Variants in MPHOSPH9 observed in about 807,000 individuals in gnomAD.
The protein encoded by MPHOSPH9 is M-phase phosphoprotein 9.
In MPHOSPH9, 88 loss-of-function variants were observed where a neutral mutation model predicts 145.5. That is an observed-to-expected ratio of 0.60 (90% CI 0.51 to 0.72). MPHOSPH9 has a LOEUF of 0.72. Among genes scored for constraint, MPHOSPH9 ranks in the 30% least tolerant of loss-of-function variants. MPHOSPH9 has a pLI of 0.00. For synonymous variants in MPHOSPH9, 435 were observed against 486.2 expected, an observed-to-expected ratio of 0.89 and a Z score of 1.39; for missense variants, 1,238 against 1,386.6, an observed-to-expected ratio of 0.89 and a Z score of 1.70.
chr12:123,216,928 G>A (rs1481380591), intron 6 of MPHOSPH9, among the ~76,000 whole-genome samples: 1 of 151,948 alleles, frequency 6.6e-6, no homozygotes, highest in Non-Finnish European at 1.5e-5. Context: ...GACAGAGATT[G>A]CAGTGAGCTG....
At position 123,233,113 on chromosome 12, in the gene MPHOSPH9, A is replaced by T. The variant is rs1304609444; in HGVS notation, c.-197T>A. 6.7e-6 allele frequency: 1 copy of T among 150,272 alleles called. No homozygotes were observed. The allele number at this position is 150,272 out of a possible 1,614,324, so 9.3% of individuals were successfully genotyped here. On this transcript the variant is annotated 5_prime_UTR_variant, in exon 1 of 24. It adds an upstream start codon to the 5' untranslated region. Coordinates refer to ENST00000606320, the MANE Select transcript of MPHOSPH9 (RefSeq NM_022782.4). ...CCGCTGCCGATGTCAGGGTCATGCA[A>T]GCGGCCTCTCGCGACCGTTACCCGA...
At chr12:123,186,713 C>T (rs756768467) in intron 13 of MPHOSPH9, among the ~76,000 whole-genome samples, 1 of 152,188 alleles carries the variant, frequency 6.6e-6, no homozygotes, top group Admixed American at 6.5e-5. Context: ...GTAATCCCAG[C>T]CTTTCATGAG....
intron 3 of MPHOSPH9, among the ~76,000 whole-genome samples, chr12:123,225,175 G>A (rs1260130545): frequency 6.6e-6 from 1 of 152,076 alleles, no homozygotes; most frequent in Non-Finnish European, 1.5e-5. Context: ...TGGGCACAGC[G>A]GCTCATGCCT....
chr12:123,178,658 G>T (rs572262634), intron 15 of MPHOSPH9, among the ~76,000 whole-genome samples: 1 of 152,208 alleles, frequency 6.6e-6, no homozygotes, highest in East Asian at 1.9e-4. Context: ...TGAGTAGCAG[G>T]GATTACAGGT....
intron 16 of MPHOSPH9, among the ~76,000 whole-genome samples, chr12:123,167,333 C>A (rs1428818554): frequency 6.6e-6 from 1 of 152,138 alleles, no homozygotes; most frequent in East Asian, 1.9e-4. Context: ...TAATGTCAAA[C>A]TCCCAAAAAA....
intron 23 of MPHOSPH9, chr12:123,160,124 G>C (rs984382769): frequency 3.9e-5 from 6 of 152,332 alleles, no homozygotes; most frequent in African/African-American, 1.4e-4. Context: ...GCCTGCATCA[G>C]CCTCCCAAAG....
At chr12:123,216,890 G>A (rs1205246779) in intron 6 of MPHOSPH9, among the ~76,000 whole-genome samples, 3 of 151,730 alleles carry the variant, frequency 2.0e-5, no homozygotes, top group Non-Finnish European at 4.4e-5. Flanking sequence ...TCGAGAGGCC[G>A]AGGCAGGAGA....
At chr12:123,171,562 G>A (rs907550293) in intron 16 of MPHOSPH9, among the ~76,000 whole-genome samples, 6 of 151,946 alleles carry the variant, frequency 3.9e-5, no homozygotes, top group Non-Finnish European at 7.4e-5. Context: ...CAGCTTGGCT[G>A]ACATGGCAAA....
At chr12:123,161,890 G>A (rs1248830806) in intron 21 of MPHOSPH9, among the ~76,000 whole-genome samples, 3 of 152,116 alleles carry the variant, frequency 2.0e-5, no homozygotes, top group Non-Finnish European at 4.4e-5. Flanking sequence ...TGTGGCCCTG[G>A]TAATTAAACA....
At chr12:123,198,089 A>G (rs570858583) in intron 12 of MPHOSPH9, among the ~76,000 whole-genome samples, 158 bp downstream of exon 12, 1 of 152,288 alleles carries the variant, frequency 6.6e-6, no homozygotes, top group Non-Finnish European at 1.5e-5. Context: ...GTCTCAAAAA[A>G]AAAAAAAAGG....
intron 16 of MPHOSPH9, among the ~76,000 whole-genome samples, chr12:123,173,186 C>G (rs561110715): frequency 6.6e-6 from 1 of 152,064 alleles, no homozygotes; most frequent in Admixed American, 6.6e-5. Flanking sequence ...TGCATTCACT[C>G]GAGTACCCTC....
rs2046063495 is a variant in MPHOSPH9, at chr12:123,198,295, A to G, written c.1977T>C (p.Ser659=). ...QLDSALHEAT[S]RVRTLENKNN... ...TCTTATTTTCAAGTGTTCTCACGCG[A>G]CTAGTAGCTTCATGCAAAGCACTAT... The change falls in exon 12 of 24, where the codon AGT becomes AGC. Residue 659 remains serine, a synonymous_variant. Coordinates refer to ENST00000606320, the MANE Select transcript of MPHOSPH9 (RefSeq NM_022782.4). 9 of 1,612,526 alleles carry G rather than the reference A, an allele frequency of 5.6e-6. No individual in the cohort carries two copies. Among genetic ancestry groups the G allele is most frequent in the Admixed American group, 1.7e-5 (1 of 59,844 alleles).
In MPHOSPH9 at chr12:123,202,961, G is replaced by C; in HGVS notation, c.1444C>G (p.Pro482Ala). 6.2e-7 allele frequency: 1 copy of C among 1,614,112 alleles called. No homozygotes were observed. The highest frequency in any genetic ancestry group is 8.5e-7 in the Non-Finnish European group (1 of 1,180,006). Residue 482 changes from proline to alanine, a missense_variant, in exon 10 of 24, where the codon CCT (proline) becomes GCT (alanine). Pro to Ala is a conservative substitution (Grantham distance 27). Around this residue, in one of 3 missense-constraint regions of MPHOSPH9, gnomAD observed 837 missense variants for 897.5 expected, o/e 0.93. Coordinates refer to ENST00000606320, the MANE Select transcript of MPHOSPH9 (RefSeq NM_022782.4). ...ISFSPDSVLE[P>A]SMSSPSDIDS... The stretch of plus-strand genomic sequence containing the variant: ...ATGTCAGAGGGACTAGACATACTAG[G>C]CTCTAGAACAGAGTCCGGGGAAAAG...
At chr12:123,168,596 C>T (rs928482204) in intron 16 of MPHOSPH9, among the ~76,000 whole-genome samples, 2 of 152,032 alleles carry the variant, frequency 1.3e-5, no homozygotes, top group South Asian at 4.1e-4. Context: ...CCCACCTCAG[C>T]CTCCCAAAGT....
chr12:123,187,807 C>T (rs904592133), intron 13 of MPHOSPH9, among the ~76,000 whole-genome samples: 1 of 152,130 alleles, frequency 6.6e-6, no homozygotes, highest in Non-Finnish European at 1.5e-5. Flanking sequence ...AAGTTCAATT[C>T]CTACTCATAC....
Position 123,165,419 on chromosome 12 carries a change from TCAA to T in MPHOSPH9, c.2647_2649del (p.Leu883del). On this transcript the variant is annotated inframe_deletion, in exon 18 of 24. Transcript: ENST00000606320. ...TCTGAAGTCTCTCTTTGCTTTTTTA[TCAA>T]CAAGCTTGTTGATGAACTTCCAGGT... 1 of 1,614,042 alleles carries T rather than the reference TCAA, an allele frequency of 6.2e-7. No homozygotes were observed. Among genetic ancestry groups the T allele is most frequent in the Non-Finnish European group, 8.5e-7 (1 of 1,179,990 alleles).
chr12:123,208,876 TGCCCAGC>T (rs2046569255), intron 8 of MPHOSPH9, among the ~76,000 whole-genome samples: 3 of 152,026 alleles, frequency 2.0e-5, no homozygotes, highest in Non-Finnish European at 4.4e-5. Flanking sequence ...TAAACTATGA[TGCCCAGC>T]TCAAGCCAGC....
intron 5 of MPHOSPH9, among the ~76,000 whole-genome samples, chr12:123,219,502 G>T (rs1048207702): frequency 6.9e-6 from 1 of 145,212 alleles, no homozygotes; most frequent in Non-Finnish European, 1.5e-5. Flanking sequence ...GCAGTGAGCC[G>T]AGATTGCGCC....
At chr12:123,160,978 T>G in intron 22 of MPHOSPH9, 129 bp from the exon 23 acceptor site, 10 of 1,317,138 alleles carry the variant, frequency 7.6e-6, no homozygotes, top group Non-Finnish European at 9.4e-6. Context: ...CTCTGTCAAT[T>G]AGTAACGACC....
Sources: allele counts gnomAD v4.1 joint callset (sites outside exome capture counted in the v4.1 genomes callset), GRCh38; gene constraint gnomAD v4.1.1; regional missense constraint gnomAD v4.1.1; transcripts MANE v1.5; gene names NCBI Gene and HGNC (gene_info 2026-07-23, HGNC 2026-07-21).